CNTLN: variants seen among roughly 807,000 people sequenced by gnomAD.
CNTLN encodes the protein centlein, centrosomal protein.
In CNTLN, 212 loss-of-function variants were observed where a neutral mutation model predicts 180.0. That is an observed-to-expected ratio of 1.18 (90% confidence interval 1.05 to 1.32). The LOEUF is 1.32. Ranked by LOEUF, CNTLN falls within the 40% of genes most tolerant of loss-of-function variation. The pLI is 0.00. For missense variants in CNTLN, 2,095 were observed against 1,610.9 expected (o/e 1.30, Z -5.14); for synonymous variants, 722 against 563.1 (o/e 1.28, Z -3.99).
intron 2 of CNTLN, among the ~76,000 whole-genome samples, chr9:17,205,875 C>T (rs1822885367): frequency 6.6e-6 from 1 of 152,080 alleles, no homozygotes; most frequent in Admixed American, 6.5e-5. Context: ...GATCAACAGG[C>T]CAAAATTCCA....
intron 18 of CNTLN, among the ~76,000 whole-genome samples, chr9:17,445,120 A>G (rs1392400161): frequency 6.6e-6 from 1 of 152,136 alleles, no homozygotes; most frequent in Non-Finnish European, 1.5e-5. Flanking sequence ...ATTTTTCACT[A>G]TCTTGAACCT....
intron 18 of CNTLN, chr9:17,447,146 T>A (rs1284179711): frequency 1.8e-5 from 4 of 217,876 alleles, no homozygotes; most frequent in African/African-American, 9.2e-5. Context: ...CGGTGTCAGC[T>A]ACAGGAACCT....
At chr9:17,354,110 G>C (rs531822481) in intron 12 of CNTLN, among the ~76,000 whole-genome samples, 1 of 152,178 alleles carries the variant, frequency 6.6e-6, no homozygotes, top group Non-Finnish European at 1.5e-5. Flanking sequence ...ACTGGGTCCC[G>C]CAGCAGTGCC....
chr9:17,303,456 A>G (rs950268075), intron 7 of CNTLN, among the ~76,000 whole-genome samples: 1 of 152,028 alleles, frequency 6.6e-6, no homozygotes, highest in Non-Finnish European at 1.5e-5. Context: ...TTCTCTGGCC[A>G]TTGTTTCTCC....
At chr9:17,293,948 C>T (rs767924894) in intron 6 of CNTLN, among the ~76,000 whole-genome samples, 8 of 152,104 alleles carry the variant, frequency 5.3e-5, no homozygotes, top group Non-Finnish European at 1.2e-4. Context: ...GTAGTGTGTC[C>T]AGAATTGGTG....
chr9:17,479,929 A>G (rs763089075), intron 23 of CNTLN, among the ~76,000 whole-genome samples: 20 of 152,208 alleles, frequency 1.3e-4, no homozygotes, highest in Admixed American at 2.0e-4. Context: ...AAAATATGGT[A>G]TCCTGGGACT....
chr9:17,468,474 G>A (rs1831874502), intron 23 of CNTLN, among the ~76,000 whole-genome samples: 2 of 151,398 alleles, frequency 1.3e-5, no homozygotes, highest in Admixed American at 1.3e-4. Flanking sequence ...ATAAATCTTG[G>A]TTTTTGTTTT....
chr9:17,470,143 C>A (rs552581572), intron 23 of CNTLN, among the ~76,000 whole-genome samples: 5 of 151,838 alleles, frequency 3.3e-5, no homozygotes, highest in Non-Finnish European at 5.9e-5. Context: ...AGGAAAGGAA[C>A]GTTGTCATTT....
chr9:17,450,749 A>G (rs1830736010), intron 18 of CNTLN, among the ~76,000 whole-genome samples: 1 of 152,192 alleles, frequency 6.6e-6, no homozygotes. Flanking sequence ...AAAATAGTAT[A>G]TAAATGAGTG....
chr9:17,484,413 TG>T lies in CNTLN; in HGVS notation c.3976del (p.Ala1326GlnfsTer5). 1.2e-6 allele frequency: 2 copies of T among 1,612,058 alleles called. No individual in the cohort carries two copies. Among genetic ancestry groups the T allele is most frequent in the Non-Finnish European group, 1.7e-6 (2 of 1,179,376 alleles). On this transcript the variant is annotated frameshift_variant, in exon 24 of 26. Transcript: ENST00000380647. LOFTEE classifies it high-confidence loss of function. The part of the protein sequence containing the change: ...CKTSTHKAQT[L>X]AASILNISRS... ...ACCTCAACCCATAAAGCCCAGACCT[TG>T]GCAGCTTCTATCCTGAACATTTCAC...
At chr9:17,192,894 G>A (rs977307801) in intron 2 of CNTLN, among the ~76,000 whole-genome samples, 1 of 152,150 alleles carries the variant, frequency 6.6e-6, no homozygotes, top group African/African-American at 2.4e-5. Flanking sequence ...AGACTGGGAA[G>A]AAAAAGCAGT....
At chr9:17,343,565 G>T (rs1280191865) in intron 12 of CNTLN, among the ~76,000 whole-genome samples, 1 of 152,058 alleles carries the variant, frequency 6.6e-6, no homozygotes, top group Non-Finnish European at 1.5e-5. Flanking sequence ...TACTCTATTA[G>T]TTCTAAATAT....
At chr9:17,208,679 A>C (rs1256820122) in intron 2 of CNTLN, among the ~76,000 whole-genome samples, 1 of 152,076 alleles carries the variant, frequency 6.6e-6, no homozygotes, top group African/African-American at 2.4e-5. Flanking sequence ...GGATTTCTTC[A>C]TGATTCAATT....
In CNTLN at chr9:17,274,457, C is replaced by CTATCTATCTGTCTATG. The variant is rs776106654; in HGVS notation, c.983+600_983+601insGTCTATGTATCTATCT. ...TTTTCCTTGGTTCATAGATCAATAT[C>CTATCTATCTGTCTATG]TATCTATCTATCTATCTATCTATCT... On this transcript the variant is annotated intron_variant, in intron 6 of 25. Transcript: ENST00000380647. Among the ~76,000 whole-genome samples the CTATCTATCTGTCTATG allele has an allele frequency of 9.2e-3, 467 of 50,624 alleles. 1 individual carries two copies. The highest frequency in any genetic ancestry group is 0.015 in the Non-Finnish European group (327 of 21,268). The allele number at this position is 50,624 out of a possible 152,430, so 33.2% of individuals were successfully genotyped here.
chr9:17,230,793 ATG>A (rs1295242351), intron 3 of CNTLN, among the ~76,000 whole-genome samples: 1 of 151,998 alleles, frequency 6.6e-6, no homozygotes, highest in Non-Finnish European at 1.5e-5. Flanking sequence ...ACTTATGAAA[ATG>A]TGTCACCTCT....
At chr9:17,185,813 G>GTGTGTGTA (rs1266777434) in intron 2 of CNTLN, among the ~76,000 whole-genome samples, 1 of 150,132 alleles carries the variant, frequency 6.7e-6, no homozygotes, top group Admixed American at 6.6e-5. Context: ...ATCTGTGTGT[G>GTGTGTGTA]TCAGGGTCCT....
chr9:17,376,587 G>A (rs1427717363), intron 13 of CNTLN, among the ~76,000 whole-genome samples: 1 of 151,978 alleles, frequency 6.6e-6, no homozygotes, highest in Non-Finnish European at 1.5e-5. Flanking sequence ...AAGTAGCTGG[G>A]ACTGCAGGCG....
chr9:17,253,542 T>C (rs1474999040), intron 5 of CNTLN, among the ~76,000 whole-genome samples: 4 of 151,558 alleles, frequency 2.6e-5, no homozygotes, highest in Non-Finnish European at 5.9e-5. Context: ...GAAGTAGAAT[T>C]GCTTTTTTGA....
chr9:17,402,386 A>T (rs550962586), intron 15 of CNTLN, among the ~76,000 whole-genome samples: 1 of 151,942 alleles, frequency 6.6e-6, no homozygotes, highest in African/African-American at 2.4e-5. Context: ...TCCGGAGAAA[A>T]GAAAAATACA....
Sources: gnomAD v4.1 joint callset for allele counts (sites outside exome capture counted in the v4.1 genomes callset) on GRCh38, gnomAD v4.1.1 for gene constraint, MANE v1.5 for transcripts, NCBI Gene and HGNC (gene_info 2026-07-23, HGNC 2026-07-21) for gene names.